The following SLC39A11 variants were observed in gnomAD, a reference collection of about 807,000 sequenced individuals.
The protein encoded by SLC39A11 is solute carrier family 39 member 11.
Under a neutral mutation model 36.1 loss-of-function variants are expected in SLC39A11, and 33 were observed. That is an observed-to-expected ratio of 0.91 (90% CI 0.69 to 1.22). SLC39A11 has a LOEUF of 1.22. SLC39A11 is among the 50% of genes most tolerant of loss of function. The probability of loss-of-function intolerance (pLI) is 0.00; values close to 1 mark genes in which losing one functional copy is unlikely to be tolerated. For missense variants in SLC39A11, 432 were observed against 430.3 expected (o/e 1.00, Z -0.03); for synonymous variants, 166 against 170.3 (o/e 0.97, Z 0.20).
intron 6 of SLC39A11, among the ~76,000 whole-genome samples, chr17:72,772,209 T>G (rs2075972323): frequency 6.6e-6 from 1 of 152,176 alleles, no homozygotes; most frequent in Admixed American, 6.5e-5. Flanking sequence ...AAGGGCAGTC[T>G]TTGGGGTTCC....
At chr17:72,754,158 G>A (rs950886548) in intron 6 of SLC39A11, among the ~76,000 whole-genome samples, 11 of 151,410 alleles carry the variant, frequency 7.3e-5, no homozygotes, top group African/African-American at 1.5e-4. Context: ...ACCTGGTTGC[G>A]ATTGGAGACT....
At chr17:72,975,264 C>A in intron 4 of SLC39A11, among the ~76,000 whole-genome samples, 1 of 152,074 alleles carries the variant, frequency 6.6e-6, no homozygotes, top group Non-Finnish European at 1.5e-5. Flanking sequence ...CATGGTGAAA[C>A]CCTGTCCCTA....
intron 1 of SLC39A11, among the ~76,000 whole-genome samples, chr17:73,090,852 G>A (rs1197434791): frequency 6.6e-6 from 1 of 152,142 alleles, no homozygotes; most frequent in African/African-American, 2.4e-5. Flanking sequence ...GGGACACAGA[G>A]GGAAGACCGA....
At chr17:72,889,792 A>G (rs571161275) in intron 5 of SLC39A11, among the ~76,000 whole-genome samples, 1 of 152,300 alleles carries the variant, frequency 6.6e-6, no homozygotes, top group South Asian at 2.1e-4. Context: ...GCACGGCAAT[A>G]GTTTTTTCAT....
chr17:73,033,754 C>A (rs1406056877), intron 3 of SLC39A11, among the ~76,000 whole-genome samples: 4 of 152,184 alleles, frequency 2.6e-5, no homozygotes, highest in Admixed American at 6.6e-5. Flanking sequence ...CTTAATTATG[C>A]CTTGCCTTAA....
chr17:73,041,190 C>T (rs2059103518), intron 3 of SLC39A11, among the ~76,000 whole-genome samples: 1 of 152,120 alleles, frequency 6.6e-6, no homozygotes, highest in Non-Finnish European at 1.5e-5. Context: ...GGAACACAAG[C>T]TTCCAAATTC....
intron 3 of SLC39A11, chr17:73,068,337 T>C: frequency 1.8e-6 from 1 of 556,946 alleles, no homozygotes; most frequent in Non-Finnish European, 3.2e-6. Context: ...CCACTATGTT[T>C]CAGGTCTCAA....
chr17:72,959,353 A>C (rs1366238300), intron 4 of SLC39A11, among the ~76,000 whole-genome samples: 3 of 140,760 alleles, frequency 2.1e-5, no homozygotes, highest in African/African-American at 7.9e-5. Flanking sequence ...ATATATATAT[A>C]TATATATATA....
At chr17:73,075,571 G>A (rs1359942971) in intron 3 of SLC39A11, among the ~76,000 whole-genome samples, 2 of 152,232 alleles carry the variant, frequency 1.3e-5, no homozygotes, top group Non-Finnish European at 2.9e-5. Context: ...CTGGATATGA[G>A]GCCGGGCGCA....
intron 5 of SLC39A11, among the ~76,000 whole-genome samples, chr17:72,912,635 C>G (rs897011617): frequency 2.6e-5 from 4 of 151,942 alleles, no homozygotes; most frequent in Non-Finnish European, 5.9e-5. Context: ...ATGGTGGCAA[C>G]TTCAGTAGGC....
intron 6 of SLC39A11, among the ~76,000 whole-genome samples, chr17:72,777,917 T>C (rs946833231): frequency 3.3e-5 from 5 of 151,652 alleles, no homozygotes; most frequent in African/African-American, 1.2e-4. Flanking sequence ...ACTTACTTAC[T>C]TATTTGAGAC....
chr17:72,961,034 G>C (rs928979557), intron 4 of SLC39A11, among the ~76,000 whole-genome samples: 102 of 152,308 alleles, frequency 6.7e-4, no homozygotes, highest in African/African-American at 2.4e-3. Flanking sequence ...GGGTGAGAGA[G>C]AGTGTGTGCA....
intron 4 of SLC39A11, among the ~76,000 whole-genome samples, chr17:73,014,034 C>T (rs552556341): frequency 6.6e-6 from 1 of 152,136 alleles, no homozygotes; most frequent in African/African-American, 2.4e-5. Context: ...GCACCACACA[C>T]CCTCACATAT....
intron 4 of SLC39A11, among the ~76,000 whole-genome samples, chr17:73,013,134 C>A (rs1367768103): frequency 1.3e-5 from 2 of 151,962 alleles, no homozygotes; most frequent in Non-Finnish European, 2.9e-5. Flanking sequence ...TTGCTGTCAT[C>A]CAGGCTGGAG....
chr17:72,884,805 G>A (rs1435915914), intron 5 of SLC39A11, among the ~76,000 whole-genome samples: 1 of 152,202 alleles, frequency 6.6e-6, no homozygotes, highest in Admixed American at 6.5e-5. Context: ...CAAATGGATA[G>A]CTTTAACATA....
intron 6 of SLC39A11, among the ~76,000 whole-genome samples, chr17:72,764,571 G>A (rs1477114470): frequency 6.6e-6 from 1 of 152,054 alleles, no homozygotes; most frequent in Admixed American, 6.6e-5. Context: ...TCTGACTCAT[G>A]CAATAAGAAA....
At chr17:72,965,250 T>A (rs888919923) in intron 4 of SLC39A11, among the ~76,000 whole-genome samples, 1 of 148,948 alleles carries the variant, frequency 6.7e-6, no homozygotes, top group African/African-American at 2.5e-5. Context: ...AAGTATAATT[T>A]AAAAAAAAAG....
At chr17:72,983,832 G>C (rs1319873699) in intron 4 of SLC39A11, among the ~76,000 whole-genome samples, 1 of 152,204 alleles carries the variant, frequency 6.6e-6, no homozygotes, top group African/African-American at 2.4e-5. Context: ...GGGTTGCTGA[G>C]AGCTGGTGAG....
chr17:72,771,493 A>G (rs937049220), intron 6 of SLC39A11, among the ~76,000 whole-genome samples: 2 of 152,162 alleles, frequency 1.3e-5, no homozygotes, highest in African/African-American at 4.8e-5. Flanking sequence ...GGGGGGTTAC[A>G]GCATACCTGG....
Sources: allele counts gnomAD v4.1 joint callset (sites outside exome capture counted in the v4.1 genomes callset), GRCh38; gene constraint gnomAD v4.1.1; transcripts MANE v1.5; gene names NCBI Gene and HGNC (gene_info 2026-07-23, HGNC 2026-07-21).